NEK5: variants seen among roughly 807,000 people sequenced by gnomAD.
NEK5 encodes the protein NIMA related kinase 5.
NEK5 carries 88 observed loss-of-function variants against 109.2 expected under a neutral mutation model. The ratio of observed to expected loss-of-function variants is 0.81; its 90% confidence interval spans 0.68 to 0.96. The LOEUF (loss-of-function observed/expected upper bound fraction) is 0.96. Ranked by LOEUF, NEK5 falls within the 40% of genes least tolerant of loss-of-function variation. The probability of loss-of-function intolerance (pLI) is 0.00; values close to 1 mark genes in which losing one functional copy is unlikely to be tolerated. For missense variants in NEK5, 834 were observed against 920.7 expected (o/e 0.91, Z 1.22); for synonymous variants, 283 against 299.9 (o/e 0.94, Z 0.58).
intron 22 of NEK5, 38 bp from the exon 23 acceptor site, chr13:52,050,259 G>T: frequency 1.3e-6 from 1 of 787,830 alleles, no homozygotes; most frequent in Non-Finnish European, 1.5e-6. Context: ...AAGCATCCCA[G>T]CCTATATACC....
chr13:52,110,994 G>T (rs1042016520), intron 5 of NEK5, among the ~76,000 whole-genome samples: 1 of 152,144 alleles, frequency 6.6e-6, no homozygotes, highest in South Asian at 2.1e-4. Context: ...GTGGAAGGAG[G>T]GTGACAAGGG....
intron 22 of NEK5, among the ~76,000 whole-genome samples, chr13:52,054,468 G>GAGCCTGTAGA (rs1954535153): frequency 6.6e-6 from 1 of 152,224 alleles, no homozygotes; most frequent in Admixed American, 6.5e-5. Flanking sequence ...TTACAGGCAT[G>GAGCCTGTAGA]AGCCTGGCCA....
At chr13:52,077,975 G>A (rs1356717758) in intron 17 of NEK5, among the ~76,000 whole-genome samples, 1 of 152,056 alleles carries the variant, frequency 6.6e-6, no homozygotes, top group Non-Finnish European at 1.5e-5. Flanking sequence ...TTGGGAGGCT[G>A]AGGCAGAAGA....
intron 3 of NEK5, among the ~76,000 whole-genome samples, chr13:52,126,695 C>T (rs1956069187): frequency 6.6e-6 from 1 of 152,184 alleles, no homozygotes; most frequent in East Asian, 1.9e-4. Context: ...GGGAGAATTG[C>T]TTGAATCCCG....
chr13:52,035,779 T>C lies in NEK5; in HGVS notation c.*1169A>G, dbSNP rs9535836. The C allele has an allele frequency of 0.41, 62,767 of 152,012 alleles. 14,825 individuals are homozygous for C. The highest frequency in any genetic ancestry group is 0.53 in the Non-Finnish European group (36,067 of 67,974). The allele number at this position is 152,012 out of a possible 1,614,324, so 9.4% of individuals were successfully genotyped here. ...TTGAAACTATTAGACAAAATGGCCA[T>C]GGTCATTTAGTGCATAATTAACACA... On this transcript the variant is annotated 3_prime_UTR_variant, in exon 24 of 24. Coordinates refer to ENST00000684899, the MANE Select transcript of NEK5 (RefSeq NM_001365552.1).
intron 15 of NEK5, 88 bp from the exon 16 acceptor site, chr13:52,086,451 G>T: frequency 1.2e-6 from 1 of 835,544 alleles, no homozygotes; most frequent in Non-Finnish European, 2.0e-6. Flanking sequence ...TTTCAAAAGT[G>T]TGTAATATAA....
chr13:52,112,836 A>G (rs1566818631), intron 4 of NEK5, among the ~76,000 whole-genome samples: 1 of 152,098 alleles, frequency 6.6e-6, no homozygotes, highest in East Asian at 1.9e-4. Flanking sequence ...CTTATAACTG[A>G]CCTCTGCCTA....
intron 3 of NEK5, among the ~76,000 whole-genome samples, chr13:52,122,769 A>T (rs1033786606): frequency 6.6e-6 from 1 of 152,038 alleles, no homozygotes; most frequent in Admixed American, 6.6e-5. Flanking sequence ...TCCGTCTCAA[A>T]AAAAAAAAAG....
chr13:52,102,235 G>C lies in NEK5; in HGVS notation c.667C>G (p.Pro223Ala), dbSNP rs1955553932. ...VLKICQAHFA[P>A]ISPGFSRELH... The stretch of plus-strand genomic sequence containing the variant: ...TCACGAGAAAACCCCGGAGATATTG[G>C]GGCAAAATGTGCTTGACAAATCTTC... Residue 223 changes from proline (P) to alanine (A), a missense_variant, in exon 10 of 24, where the codon CCA becomes GCA. By Grantham distance (27) the Pro-to-Ala change is conservative. This residue lies in a region of NEK5 where 777 missense variants were observed against 824.7 expected (regional missense o/e 0.94). Transcript: ENST00000684899. 6.2e-7 allele frequency: 1 copy of C among 1,614,076 alleles called. No homozygotes were observed.
chr13:52,097,644 T>G (rs1372574396), intron 12 of NEK5, among the ~76,000 whole-genome samples: 1 of 152,218 alleles, frequency 6.6e-6, no homozygotes, highest in African/African-American at 2.4e-5. Flanking sequence ...ACTAACTTGT[T>G]TTTTATTTTA....
chr13:52,123,320 A>G (rs1956005223), intron 3 of NEK5, among the ~76,000 whole-genome samples: 1 of 152,216 alleles, frequency 6.6e-6, no homozygotes, highest in Non-Finnish European at 1.5e-5. Flanking sequence ...TGGCATAGTG[A>G]CAAGAGTAGT....
intron 22 of NEK5, among the ~76,000 whole-genome samples, chr13:52,059,604 C>T (rs1205040378): frequency 1.3e-5 from 2 of 151,892 alleles, no homozygotes; most frequent in South Asian, 2.1e-4. Flanking sequence ...CACATATACA[C>T]CATGGAATAC....
At position 52,069,176 on chromosome 13, in the gene NEK5, G is replaced by T. The variant is rs73184351; in HGVS notation, c.1849+2768C>A. Among the ~76,000 whole-genome samples the T allele has an allele frequency of 3.3e-3, 505 of 151,944 alleles. 3 individuals carry two copies. Among genetic ancestry groups the T allele is most frequent in the Middle Eastern group, 0.014 (4 of 294 alleles). On this transcript the variant is annotated intron_variant, in intron 20 of 23. Transcript: ENST00000684899. ...CCTCTGCTTTTCCCAGCAAACTGAT[G>T]CAAAGATAACCATTGAATTTACCCC...
intron 17 of NEK5, among the ~76,000 whole-genome samples, chr13:52,078,665 T>C (rs1224324631): frequency 6.6e-6 from 1 of 152,030 alleles, no homozygotes; most frequent in Non-Finnish European, 1.5e-5. Context: ...AGCAAGAGAC[T>C]GCACACCAGC....
rs1429576469 is a variant in NEK5 at position 52,058,149 on chromosome 13, A to C, written c.2110+3670T>G. 6.2e-3 allele frequency among the ~76,000 whole-genome samples: 872 copies of C among 141,200 alleles called. 4 individuals are homozygous for C. The highest frequency in any genetic ancestry group is 0.021 in the African/African-American group (796 of 37,926). 92.6% of individuals were successfully genotyped at this position (141,200 alleles called of 152,430 possible). A position where few individuals can be genotyped will look rare whatever the true frequency, so the allele number is the denominator to read the frequency against. Reference sequence around the variant, plus strand: ...GTACAAAAATCACAAGCATTCTTATACACCAACAACAGACAAACAGAGAGC... The same window carrying C: ...GTACAAAAATCACAAGCATTCTTATCCACCAACAACAGACAAACAGAGAGC... On this transcript the variant is annotated intron_variant, in intron 22 of 23. Coordinates refer to ENST00000684899, the MANE Select transcript of NEK5 (RefSeq NM_001365552.1).
chr13:52,113,575 T>A (rs1459542377), intron 4 of NEK5, among the ~76,000 whole-genome samples: 1 of 152,104 alleles, frequency 6.6e-6, no homozygotes, highest in East Asian at 1.9e-4. Flanking sequence ...ACTTGCTCCG[T>A]ATTAAAGAAA....
chr13:52,064,112 G>T (rs1462232790), intron 21 of NEK5, among the ~76,000 whole-genome samples: 3 of 139,516 alleles, frequency 2.2e-5, no homozygotes, highest in Non-Finnish European at 4.6e-5. Flanking sequence ...GCCTCTGCCC[G>T]GCCGCCCCTA....
intron 17 of NEK5, among the ~76,000 whole-genome samples, chr13:52,079,514 C>T (rs946664140): frequency 3.9e-4 from 59 of 152,274 alleles, no homozygotes; most frequent in African/African-American, 1.3e-3. Context: ...GTTGGCCGGG[C>T]TGGTCTCCAG....
At chr13:52,094,587 C>G (rs1955363064) in intron 12 of NEK5, among the ~76,000 whole-genome samples, 2 of 152,104 alleles carry the variant, frequency 1.3e-5, no homozygotes, top group South Asian at 4.1e-4. Context: ...ATCGAGACCA[C>G]CATGGCTAAC....
Sources: allele counts gnomAD v4.1 joint callset (sites outside exome capture counted in the v4.1 genomes callset), GRCh38; gene constraint gnomAD v4.1.1; regional missense constraint gnomAD v4.1.1; transcripts MANE v1.5; gene names NCBI Gene and HGNC (gene_info 2026-07-23, HGNC 2026-07-21).